DLC1: variants seen among roughly 807,000 people sequenced by gnomAD.
DLC1 encodes DLC1 Rho GTPase activating protein.
Under a neutral mutation model 140.3 loss-of-function variants are expected in DLC1, and 54 were observed. That is an observed-to-expected ratio of 0.38 (90% CI 0.31 to 0.48). The LOEUF is 0.48. DLC1 is among the 20% of genes least tolerant of loss of function. The pLI is 0.96. For synonymous variants in DLC1, 986 were observed against 728.1 expected (o/e 1.35, Z -5.70); for missense variants, 2,536 against 1,907.0 (o/e 1.33, Z -6.14).
At chr8:13,534,962 CT>C (rs68088705) in intron 1 of DLC1, among the ~76,000 whole-genome samples, 25,864 of 151,950 alleles carry the variant, frequency 0.17, 4,468 homozygotes, top group East Asian at 0.45. Flanking sequence ...TCTCACTCAC[CT>C]TTCTGCTGAG....
intron 3 of DLC1, among the ~76,000 whole-genome samples, chr8:13,398,890 C>T (rs7838591): frequency 0.075 from 11,369 of 152,012 alleles, 1,433 homozygotes; most frequent in African/African-American, 0.26. Context: ...GGTGTGATGC[C>T]GGGACATCTC....
chr8:13,468,811 C>CTT (rs78775803), intron 2 of DLC1, among the ~76,000 whole-genome samples: 1,643 of 89,758 alleles, frequency 0.018, 308 homozygotes, highest in South Asian at 0.037. Flanking sequence ...TTTATGTCTG[C>CTT]TTTTTTTTTT....
At chr8:13,233,451 C>G (rs1188258616) in intron 5 of DLC1, among the ~76,000 whole-genome samples, 1 of 151,736 alleles carries the variant, frequency 6.6e-6, no homozygotes, top group Non-Finnish European at 1.5e-5. Flanking sequence ...GAAGAGATTT[C>G]AATACATTTT....
intron 2 of DLC1, among the ~76,000 whole-genome samples, chr8:13,416,168 C>G (rs1403465418): frequency 2.0e-5 from 3 of 152,168 alleles, no homozygotes; most frequent in Non-Finnish European, 4.4e-5. Context: ...CTGGACTTAT[C>G]ACTTTGGTCC....
Position 13,090,246 on chromosome 8 carries a change from C to A in DLC1, c.4074+6G>T, listed in dbSNP as rs759716303. ...TCAACTAGCCGACAACAGGGTGAAG[C>A]CTTACCTTCTTATAGGACAGCTCAG... On this transcript the variant is annotated splice_donor_region_variant and intron_variant, in intron 15 of 17. Coordinates refer to ENST00000276297, the MANE Select transcript of DLC1 (RefSeq NM_182643.3). 2.5e-6 allele frequency: 4 copies of A among 1,613,054 alleles called. No individual in the cohort carries two copies. The highest frequency in any genetic ancestry group is 1.7e-5 in the Admixed American group (1 of 59,922).
At chr8:13,174,391 T>A (rs918202765) in intron 5 of DLC1, among the ~76,000 whole-genome samples, 1 of 152,186 alleles carries the variant, frequency 6.6e-6, no homozygotes, top group African/African-American at 2.4e-5. Flanking sequence ...AGTAGTGGGA[T>A]TGCTGGGTTG....
At position 13,304,201 on chromosome 8, in the gene DLC1, A is replaced by G. The variant is rs144686350; in HGVS notation, c.1348+1068T>C. Among the ~76,000 whole-genome samples, 417 of 152,326 alleles carry G rather than the reference A, an allele frequency of 2.7e-3. 3 individuals are homozygous for G. The highest frequency in any genetic ancestry group is 9.7e-3 in the African/African-American group (402 of 41,568). On this transcript the variant is annotated intron_variant, in intron 5 of 17. Coordinates refer to ENST00000276297, the MANE Select transcript of DLC1 (RefSeq NM_182643.3). Reference sequence around the variant, plus strand: ...GTTTGGCCATTGAAAGTAATGGCCAAAACCACAATTACTTTTGCACCAACC... The same window carrying G: ...GTTTGGCCATTGAAAGTAATGGCCAGAACCACAATTACTTTTGCACCAACC...
intron 2 of DLC1, among the ~76,000 whole-genome samples, chr8:13,482,791 C>G (rs1321042169): frequency 1.3e-5 from 2 of 152,170 alleles, no homozygotes. Flanking sequence ...TTCACTCAAT[C>G]ACTCATTCAA....
At chr8:13,505,822 G>C (rs1442911601) in intron 1 of DLC1, among the ~76,000 whole-genome samples, 2 of 152,116 alleles carry the variant, frequency 1.3e-5, no homozygotes, top group Non-Finnish European at 2.9e-5. Context: ...CTTAGGAATT[G>C]TCTAAGCCAT....
chr8:13,455,199 T>C (rs2116996962), intron 2 of DLC1, among the ~76,000 whole-genome samples: 1 of 152,300 alleles, frequency 6.6e-6, no homozygotes, highest in South Asian at 2.1e-4. Context: ...TATTTGCCTT[T>C]GATAAAGGGA....
intron 1 of DLC1, chr8:13,567,687 T>C (rs1303363303): frequency 6.4e-7 from 1 of 1,551,974 alleles, no homozygotes; most frequent in East Asian, 2.4e-5. Flanking sequence ...AGAGAATAGA[T>C]GAACATCTTC....
chr8:13,356,604 T>C (rs996409278), intron 4 of DLC1, among the ~76,000 whole-genome samples: 1 of 152,194 alleles, frequency 6.6e-6, no homozygotes, highest in South Asian at 2.1e-4. Context: ...ACTTCTTAAA[T>C]TGTATCATAA....
intron 2 of DLC1, among the ~76,000 whole-genome samples, chr8:13,444,545 A>G (rs914582648): frequency 6.6e-6 from 1 of 152,220 alleles, no homozygotes; most frequent in Admixed American, 6.5e-5. Flanking sequence ...GGTGCATTCT[A>G]CACTACGAAA....
intron 4 of DLC1, among the ~76,000 whole-genome samples, chr8:13,390,663 C>T (rs1332049505): frequency 6.6e-6 from 1 of 152,144 alleles, no homozygotes; most frequent in Non-Finnish European, 1.5e-5. Flanking sequence ...ATGTAACAAA[C>T]CTGCACGTTC....
intron 14 of DLC1, 131 bp from the exon 15 acceptor site, chr8:13,090,601 G>A (rs1268561557): frequency 3.9e-6 from 4 of 1,033,638 alleles, no homozygotes; most frequent in East Asian, 5.2e-5. Context: ...CCCGCCGGAG[G>A]TGGGCTATCA....
intron 5 of DLC1, among the ~76,000 whole-genome samples, chr8:13,284,276 C>T (rs1489312728): frequency 6.6e-6 from 1 of 152,132 alleles, no homozygotes; most frequent in African/African-American, 2.4e-5. Context: ...CCTGTAATCC[C>T]AACACTTTGG....
chr8:13,532,977 A>T (rs554784236), intron 1 of DLC1, among the ~76,000 whole-genome samples: 2 of 152,322 alleles, frequency 1.3e-5, no homozygotes, highest in East Asian at 3.9e-4. Flanking sequence ...AGTTATATTC[A>T]AGTTGTTTTT....
At chr8:13,159,375 A>G (rs1824513519) in intron 5 of DLC1, among the ~76,000 whole-genome samples, 1 of 152,128 alleles carries the variant, frequency 6.6e-6, no homozygotes, top group East Asian at 1.9e-4. Context: ...GTACTGGGTC[A>G]CTCTGAAGGA....
At chr8:13,434,442 C>T (rs973547758) in intron 2 of DLC1, among the ~76,000 whole-genome samples, 2 of 152,080 alleles carry the variant, frequency 1.3e-5, no homozygotes, top group Non-Finnish European at 2.9e-5. Flanking sequence ...GCTGTAAAAA[C>T]GTGCAGGCAT....
Sources: allele counts gnomAD v4.1 joint callset (sites outside exome capture counted in the v4.1 genomes callset), GRCh38; gene constraint gnomAD v4.1.1; transcripts MANE v1.5; gene names NCBI Gene and HGNC (gene_info 2026-07-23, HGNC 2026-07-21).